The following NFYC variants were observed in gnomAD, a reference collection of about 807,000 sequenced individuals.
NFYC encodes the protein CAAT box DNA-binding protein subunit C.
A neutral mutation model predicts 53.1 loss-of-function variants in NFYC; 25 were observed. The ratio of observed to expected loss-of-function variants is 0.47; its 90% CI spans 0.34 to 0.66. The LOEUF is 0.66. NFYC is among the 30% of genes least tolerant of loss of function. The pLI, the probability that NFYC is intolerant of heterozygous loss-of-function variation, is 0.01. For missense variants in NFYC, 260 were observed against 422.7 expected, an observed-to-expected ratio of 0.62 and a Z score of 3.38; for synonymous variants, 145 against 152.6, an observed-to-expected ratio of 0.95 and a Z score of 0.37.
chr1:40,732,089 T>G (rs1644801103), intron 1 of NFYC, among the ~76,000 whole-genome samples: 1 of 152,232 alleles, frequency 6.6e-6, no homozygotes, highest in South Asian at 2.1e-4. Flanking sequence ...GAGCTTCCTG[T>G]GGTCTTTTTC....
intron 1 of NFYC, among the ~76,000 whole-genome samples, chr1:40,736,854 C>T (rs1157087791): frequency 2.1e-5 from 3 of 143,446 alleles, no homozygotes; most frequent in Admixed American, 1.4e-4. Context: ...AGGCTGGGCG[C>T]GGTGGCTCAC....
At chr1:40,691,956 C>T (rs749731387) in intron 1 of NFYC, 89 bp downstream of exon 1, 15 of 316,852 alleles carry the variant, frequency 4.7e-5, no homozygotes, top group Non-Finnish European at 8.1e-5. Flanking sequence ...CGCCAGAGAC[C>T]TCACTTCCTC....
intron 2 of NFYC, among the ~76,000 whole-genome samples, chr1:40,741,799 C>T (rs1197428357): frequency 6.6e-6 from 1 of 151,846 alleles, no homozygotes; most frequent in East Asian, 1.9e-4. Context: ...AGGCAGGGTC[C>T]CACCATGTTA....
chr1:40,693,357 G>A (rs1557717964), intron 1 of NFYC, among the ~76,000 whole-genome samples: 2 of 152,204 alleles, frequency 1.3e-5, no homozygotes, highest in African/African-American at 2.4e-5. Flanking sequence ...CCCAGTGTGT[G>A]AGGGCCATGG....
chr1:40,741,624 A>G (rs1645350613), intron 2 of NFYC, among the ~76,000 whole-genome samples: 1 of 147,708 alleles, frequency 6.8e-6, no homozygotes, highest in Non-Finnish European at 1.5e-5. Context: ...CTTTTTGGAG[A>G]CAGGGTCTCA....
intron 1 of NFYC, among the ~76,000 whole-genome samples, chr1:40,692,621 T>G (rs1220653428): frequency 5.3e-5 from 8 of 151,966 alleles, no homozygotes; most frequent in Non-Finnish European, 1.5e-5. Flanking sequence ...AACGGTAGAA[T>G]CGGATCAGGG....
chr1:40,709,953 C>T (rs1348886217), intron 1 of NFYC, among the ~76,000 whole-genome samples: 3 of 152,308 alleles, frequency 2.0e-5, no homozygotes, highest in Admixed American at 6.5e-5. Context: ...ACGGAATAAG[C>T]TGGGTTGTTG....
chr1:40,723,271 C>T (rs2148499699), intron 1 of NFYC: 1 of 152,282 alleles, frequency 6.6e-6, no homozygotes, highest in South Asian at 2.1e-4. Flanking sequence ...TCAGAAGGCA[C>T]CCGGTAAGAA....
chr1:40,752,981 G>A (rs1392386855), intron 4 of NFYC, among the ~76,000 whole-genome samples, 170 bp from the exon 5 acceptor site: 4 of 152,014 alleles, frequency 2.6e-5, no homozygotes, highest in African/African-American at 9.7e-5. Context: ...TTGCCCACCA[G>A]GTCTGATCAT....
At chr1:40,695,964 C>G (rs968492407) in intron 1 of NFYC, among the ~76,000 whole-genome samples, 1 of 151,168 alleles carries the variant, frequency 6.6e-6, no homozygotes, top group African/African-American at 2.4e-5. Context: ...AAGTAATTTG[C>G]TTAAGTTCTC....
chr1:40,757,454 C>A, intron 5 of NFYC: 1 of 452,294 alleles, frequency 2.2e-6, no homozygotes, highest in East Asian at 6.5e-5. Context: ...GGCAGTACCC[C>A]AGCGGAGAGC....
At chr1:40,767,688 G>T (rs150790117) in intron 8 of NFYC, among the ~76,000 whole-genome samples, 1 of 152,210 alleles carries the variant, frequency 6.6e-6, no homozygotes, top group Non-Finnish European at 1.5e-5. Context: ...TCAGAAGTCA[G>T]TTTGGGGCTG....
chr1:40,742,526 G>A (rs913842368), intron 2 of NFYC, among the ~76,000 whole-genome samples: 1 of 152,130 alleles, frequency 6.6e-6, no homozygotes, highest in African/African-American at 2.4e-5. Context: ...AAGTTTTGTG[G>A]GTGAAGAGAA....
chr1:40,710,859 G>A (rs1271069444), intron 1 of NFYC, among the ~76,000 whole-genome samples: 21 of 152,102 alleles, frequency 1.4e-4, no homozygotes, highest in Admixed American at 1.4e-3. Flanking sequence ...AAAAACTGCT[G>A]GGGAGTTGAA....
At chr1:40,697,678 G>A (rs963515515) in intron 1 of NFYC, among the ~76,000 whole-genome samples, 3 of 152,218 alleles carry the variant, frequency 2.0e-5, no homozygotes, top group Non-Finnish European at 4.4e-5. Context: ...GTTGAAGTAG[G>A]ACCGTTGGTT....
chr1:40,708,824 C>T (rs1405746326), intron 1 of NFYC, among the ~76,000 whole-genome samples: 1 of 152,160 alleles, frequency 6.6e-6, no homozygotes, highest in Non-Finnish European at 1.5e-5. Context: ...TGTTAATGCT[C>T]AACAGAAAAC....
At chr1:40,726,636 CA>C (rs1235459213) in intron 1 of NFYC, among the ~76,000 whole-genome samples, 1 of 152,088 alleles carries the variant, frequency 6.6e-6, no homozygotes, top group Non-Finnish European at 1.5e-5. Context: ...CTTGATGTCT[CA>C]AACTCCTGGG....
Position 40,770,809 on chromosome 1 carries a change from C to G in NFYC, c.989C>G (p.Pro330Arg). 1.2e-6 allele frequency: 2 copies of G among 1,610,282 alleles called. No individual in the cohort carries two copies. The highest frequency in any genetic ancestry group is 1.7e-6 in the Non-Finnish European group (2 of 1,179,996). The change falls in exon 10 of 10, where the codon CCC (proline) becomes CGC (arginine). Residue 330 changes from proline (P) to arginine (R), a missense_variant. Physicochemically the swap from Pro to Arg is moderately radical, Grantham distance 103 (BLOSUM62 -2). Transcript: ENST00000447388. The surrounding 1 kb of genome is among the most constrained non-coding windows in gnomAD (Gnocchi z 5.3). Reference protein sequence around the residue: ...SANQPSDGQAPQVTGD With the variant: ...SANQPSDGQARQVTGD The stretch of plus-strand genomic sequence containing the variant: ...AACCAGCCCTCCGACGGGCAGGCCC[C>G]CCAGGTGACCGGCGACTGAGGGCCT...
intron 1 of NFYC, among the ~76,000 whole-genome samples, chr1:40,736,661 G>A (rs555255656): frequency 2.0e-5 from 3 of 152,098 alleles, no homozygotes; most frequent in South Asian, 2.1e-4. Flanking sequence ...CCAGATAAGC[G>A]CTTAAGACAT....
Sources: gnomAD v4.1 joint callset for allele counts (sites outside exome capture counted in the v4.1 genomes callset) on GRCh38, gnomAD v4.1.1 for gene constraint, Gnocchi (gnomAD v3.1) non-coding constraint, MANE v1.5 for transcripts, NCBI Gene and HGNC (gene_info 2026-07-23, HGNC 2026-07-21) for gene names.